MTIF3: variants seen among roughly 807,000 people sequenced by gnomAD.
MTIF3 encodes translation initiation factor IF-3, mitochondrial.
A neutral mutation model predicts 20.7 loss-of-function variants in MTIF3; 13 were observed. The observed-to-expected ratio is 0.63, with a 90% CI of 0.41 to 1.00. MTIF3 has a LOEUF of 1.00. Among genes scored for constraint, MTIF3 ranks in the 50% least tolerant of loss-of-function variants. The pLI is 0.00. For missense variants in MTIF3, 295 were observed against 324.5 expected (o/e 0.91, Z 0.70); for synonymous variants, 114 against 112.5 (o/e 1.01, Z -0.08).
At chr13:27,446,690 T>C (rs935610004) in intron 1 of MTIF3, among the ~76,000 whole-genome samples, 5 of 152,226 alleles carry the variant, frequency 3.3e-5, no homozygotes, top group Non-Finnish European at 1.5e-5. Flanking sequence ...ATTCCCTTTA[T>C]TCGTTTCAAG....
chr13:27,439,738 T>C (rs1328301715), intron 3 of MTIF3, among the ~76,000 whole-genome samples: 3 of 152,112 alleles, frequency 2.0e-5, no homozygotes, highest in Non-Finnish European at 4.4e-5. Flanking sequence ...TTGCCTGGTT[T>C]CTCCCACATT....
chr13:27,440,589 C>CACCG, intron 2 of MTIF3, 140 bp from the exon 3 acceptor site: 3 of 644,402 alleles, frequency 4.7e-6, no homozygotes, highest in South Asian at 2.2e-5. Context: ...TCTAGACTTT[C>CACCG]AGATCCACAC....
At chr13:27,440,963 C>A in intron 2 of MTIF3, 1 of 157,724 alleles carries the variant, frequency 6.3e-6, no homozygotes, top group Non-Finnish European at 1.4e-5. Flanking sequence ...ATACAGCAAG[C>A]TAGAGAAAAG....
intron 2 of MTIF3, chr13:27,440,913 T>G (rs932645734): frequency 5.9e-6 from 1 of 170,566 alleles, no homozygotes; most frequent in Non-Finnish European, 1.3e-5. Flanking sequence ...GATTAACACA[T>G]ATTTTGTATG....
At chr13:27,437,361 G>A in intron 3 of MTIF3, 88 bp from the exon 4 acceptor site, 2 of 1,202,130 alleles carry the variant, frequency 1.7e-6, no homozygotes, top group East Asian at 2.5e-5. Flanking sequence ...AAAATCCTAG[G>A]TTGCCACCTG....
At chr13:27,436,110 A>C (rs1489235442) in intron 4 of MTIF3, among the ~76,000 whole-genome samples, 1 of 152,088 alleles carries the variant, frequency 6.6e-6, no homozygotes, top group Non-Finnish European at 1.5e-5. Context: ...CTAATTTTAA[A>C]TCTCCACTTC....
At chr13:27,442,473 CG>C (rs1954039262) in intron 2 of MTIF3, among the ~76,000 whole-genome samples, 1 of 152,150 alleles carries the variant, frequency 6.6e-6, no homozygotes, top group Non-Finnish European at 1.5e-5. Context: ...CTTAAAAATG[CG>C]TAAGTCAGAT....
Position 27,437,144 on chromosome 13 carries a change from T to TTTCCTTTC in MTIF3, c.582_589dup (p.Lys197ArgfsTer6). On this transcript the variant is annotated frameshift_variant, in exon 4 of 5. Coordinates refer to ENST00000381120, the MANE Select transcript of MTIF3 (RefSeq NM_152912.5). LOFTEE classifies it low-confidence loss of function (END_TRUNC). ...TTCATTTTCTGACACGTCTACATTT[T>TTTCCTTTC]TTCCTTTCTTTATGGTAATCTGGAC... 6.2e-7 allele frequency: 1 copy of TTTCCTTTC among 1,613,976 alleles called. No homozygotes were observed. Among genetic ancestry groups the TTTCCTTTC allele is most frequent in the Non-Finnish European group, 8.5e-7 (1 of 1,179,962 alleles).
At chr13:27,447,413 A>G (rs1202711070) in intron 1 of MTIF3, among the ~76,000 whole-genome samples, 1 of 152,168 alleles carries the variant, frequency 6.6e-6, no homozygotes, top group Non-Finnish European at 1.5e-5. Flanking sequence ...TCAAAATAGA[A>G]ACAAACGCTT....
At chr13:27,450,148 A>C (rs1436939252) in intron 1 of MTIF3, 1 of 152,302 alleles carries the variant, frequency 6.6e-6, no homozygotes, top group Non-Finnish European at 1.5e-5. Context: ...CCACCTGCAG[A>C]ACGGGACCGG....
intron 3 of MTIF3, 28 bp downstream of exon 3, chr13:27,439,961 T>C (rs1182098877): frequency 6.3e-7 from 1 of 1,597,064 alleles, no homozygotes; most frequent in Admixed American, 1.7e-5. Context: ...TCTTAAAGGA[T>C]TCAGGGAGCC....
At position 27,440,374 on chromosome 13, in the gene MTIF3, A is replaced by C; in HGVS notation, c.75T>G (p.Gly25=). ...GTGCTGTCTTTTGCAGGATGTGTTT[A>C]CCAAAACATCTAATGCAACTATTTT... ...KSENSCIRCF[G]KHILQKTAPA... Residue 25 remains glycine (G), a synonymous_variant, in exon 3 of 5, where the codon GGT becomes GGG. Coordinates refer to ENST00000381120, the MANE Select transcript of MTIF3 (RefSeq NM_152912.5). 6.2e-7 allele frequency: 1 copy of C among 1,614,190 alleles called. No homozygotes were observed. The highest frequency in any genetic ancestry group is 8.5e-7 in the Non-Finnish European group (1 of 1,180,030).
chr13:27,442,604 A>G (rs1954043417), intron 2 of MTIF3, among the ~76,000 whole-genome samples: 1 of 152,070 alleles, frequency 6.6e-6, no homozygotes, highest in South Asian at 2.1e-4. Flanking sequence ...ACTCTGTTCC[A>G]GCCTCCTTGC....
At chr13:27,444,230 C>A (rs1007518985) in intron 2 of MTIF3, among the ~76,000 whole-genome samples, 6 of 151,788 alleles carry the variant, frequency 4.0e-5, no homozygotes, top group Non-Finnish European at 7.4e-5. Flanking sequence ...GGCGTGAACC[C>A]GGGAGGCGGA....
At chr13:27,446,875 C>T (rs569199488) in intron 1 of MTIF3, among the ~76,000 whole-genome samples, 2 of 152,208 alleles carry the variant, frequency 1.3e-5, no homozygotes, top group East Asian at 3.9e-4. Flanking sequence ...AAAAAGTACA[C>T]ATTAGGTACA....
chr13:27,440,281 A>G lies in MTIF3; in HGVS notation c.168T>C (p.Ser56=). 1 of 1,614,170 alleles carries G rather than the reference A, an allele frequency of 6.2e-7. No individual in the cohort carries two copies. The highest frequency in any genetic ancestry group is 1.1e-5 in the South Asian group (1 of 91,086). ...LSFLIHAKAF[S]TAEDTQNEGK... ...CTTCATTCTGGGTGTCTTCAGCGGT[A>G]CTAAAGGCTTTTGCATGAATTAGGA... The change falls in exon 3 of 5, where the codon AGT becomes AGC. Residue 56 remains serine (S), a synonymous_variant. Transcript: ENST00000381120.
At chr13:27,438,319 A>AC (rs1007063547) in intron 3 of MTIF3, among the ~76,000 whole-genome samples, 5 of 106,236 alleles carry the variant, frequency 4.7e-5, no homozygotes, top group Non-Finnish European at 7.8e-5. Flanking sequence ...CCCCATCTCT[A>AC]CAAAAAAAAA....
intron 4 of MTIF3, among the ~76,000 whole-genome samples, chr13:27,436,406 T>A (rs1414114368): frequency 2.7e-5 from 4 of 147,288 alleles, no homozygotes; most frequent in Admixed American, 6.7e-5. Flanking sequence ...GTTATCTAAC[T>A]TTTAAAAAAA....
chr13:27,438,285 C>G (rs1953858597), intron 3 of MTIF3, among the ~76,000 whole-genome samples: 1 of 114,330 alleles, frequency 8.7e-6, no homozygotes, highest in Admixed American at 1.3e-4. Context: ...CTCAGGAGTT[C>G]AAGACCTGAG....
Sources: gnomAD v4.1 joint callset for allele counts (sites outside exome capture counted in the v4.1 genomes callset) on GRCh38, gnomAD v4.1.1 for gene constraint, MANE v1.5 for transcripts, NCBI Gene and HGNC (gene_info 2026-07-23, HGNC 2026-07-21) for gene names.